CTNNA2: variants seen among roughly 807,000 people sequenced by gnomAD.
CTNNA2 encodes catenin alpha-2.
In CTNNA2, 42 loss-of-function variants were observed where a neutral mutation model predicts 101.0. The ratio of observed to expected loss-of-function variants is 0.42; its 90% CI spans 0.32 to 0.54. CTNNA2 has a LOEUF of 0.54. Among genes scored for constraint, CTNNA2 ranks in the 20% least tolerant of loss-of-function variants. CTNNA2 has a pLI of 0.14. For missense variants in CTNNA2, 871 were observed against 1,223.1 expected (o/e 0.71, Z 4.29); for synonymous variants, 450 against 456.4 (o/e 0.99, Z 0.18).
chr2:80,250,200 AGAGAGT>A (rs1203431684), intron 7 of CTNNA2, among the ~76,000 whole-genome samples: 4 of 142,380 alleles, frequency 2.8e-5, no homozygotes, highest in East Asian at 2.0e-4. Flanking sequence ...AGAGAGAGAG[AGAGAGT>A]GTGTGTGTGT....
At chr2:80,645,842 A>G (rs1352731363) in intron 18 of CTNNA2, among the ~76,000 whole-genome samples, 1 of 152,134 alleles carries the variant, frequency 6.6e-6, no homozygotes, top group Non-Finnish European at 1.5e-5. Context: ...TGATCAAGTA[A>G]GTGGGTTACT....
At chr2:80,627,346 G>A (rs12611703) in intron 18 of CTNNA2, among the ~76,000 whole-genome samples, 77 of 152,010 alleles carry the variant, frequency 5.1e-4, no homozygotes, top group African/African-American at 1.8e-3. Context: ...TTGTAAAAGC[G>A]TTCCTATTTC....
At chr2:79,704,510 C>CATTTTTT in intron 2 of CTNNA2, among the ~76,000 whole-genome samples, 1 of 127,570 alleles carries the variant, frequency 7.8e-6, no homozygotes, top group Non-Finnish European at 1.6e-5. Context: ...ACTTGTGCTT[C>CATTTTTT]TTTTTTTTTT....
In CTNNA2 at chr2:80,070,317, G is replaced by T. The variant is rs186112819; in HGVS notation, c.1056+160520G>T. On this transcript the variant is annotated intron_variant, in intron 7 of 18. Transcript: ENST00000402739. ...TTTCCAAAAATGTTCTATATGAGGG[G>T]ATTGTGAGTGAGAAGTGTATTAGTT... Among the ~76,000 whole-genome samples the T allele has an allele frequency of 3.7e-3, 557 of 152,276 alleles. 3 individuals are homozygous for T. Among genetic ancestry groups the T allele is most frequent in the African/African-American group, 0.013 (534 of 41,532 alleles).
At chr2:79,205,295 G>A (rs1420629810) in intron 2 of CTNNA2, among the ~76,000 whole-genome samples, 1 of 152,216 alleles carries the variant, frequency 6.6e-6, no homozygotes, top group Non-Finnish European at 1.5e-5. Flanking sequence ...CCCAGGACAT[G>A]AGAGAAAAAG....
chr2:79,226,212 G>A (rs965227070), intron 2 of CTNNA2, among the ~76,000 whole-genome samples: 18 of 152,258 alleles, frequency 1.2e-4, no homozygotes, highest in African/African-American at 4.3e-4. Context: ...TTCCTTGAAA[G>A]ATTATATGAT....
At chr2:79,305,871 C>G (rs952409912) in intron 2 of CTNNA2, among the ~76,000 whole-genome samples, 18 of 151,944 alleles carry the variant, frequency 1.2e-4, no homozygotes, top group Non-Finnish European at 2.1e-4. Flanking sequence ...CGGTGAAACC[C>G]CATATCTACT....
intron 9 of CTNNA2, among the ~76,000 whole-genome samples, chr2:80,524,875 C>T (rs1689892474): frequency 6.6e-6 from 1 of 152,142 alleles, no homozygotes; most frequent in Admixed American, 6.5e-5. Context: ...ACTTCATTCG[C>T]TCTTTTATGG....
At chr2:80,041,403 C>T (rs564033500) in intron 7 of CTNNA2, among the ~76,000 whole-genome samples, 40 of 151,968 alleles carry the variant, frequency 2.6e-4, no homozygotes, top group Admixed American at 2.4e-3. Flanking sequence ...ATGCTGTATA[C>T]ACAAGAATCT....
intron 7 of CTNNA2, among the ~76,000 whole-genome samples, chr2:80,133,191 A>C (rs1410105049): frequency 6.6e-6 from 1 of 152,116 alleles, no homozygotes; most frequent in Non-Finnish European, 1.5e-5. Flanking sequence ...GGAGGCAGAG[A>C]CTGGAGTTAT....
At chr2:80,100,601 A>G (rs1052893005) in intron 7 of CTNNA2, among the ~76,000 whole-genome samples, 21 of 152,108 alleles carry the variant, frequency 1.4e-4, no homozygotes, top group African/African-American at 3.6e-4. Context: ...GAGTTCCACT[A>G]TCACTTGGGG....
chr2:80,382,510 G>T (rs907567252), intron 7 of CTNNA2, among the ~76,000 whole-genome samples: 1 of 152,162 alleles, frequency 6.6e-6, no homozygotes, highest in African/African-American at 2.4e-5. Flanking sequence ...GGTGAGAATT[G>T]TTCATAAAGA....
chr2:80,612,978 A>T (rs926265828), intron 17 of CTNNA2: 1 of 151,506 alleles, frequency 6.6e-6, no homozygotes, highest in Non-Finnish European at 1.5e-5. Flanking sequence ...ATGTAGGAAA[A>T]GTTGCAGTGT....
intron 14 of CTNNA2, among the ~76,000 whole-genome samples, chr2:80,586,834 C>T (rs748281875): frequency 3.9e-5 from 6 of 152,174 alleles, no homozygotes; most frequent in Non-Finnish European, 5.9e-5. Flanking sequence ...AAGCCACATA[C>T]ATGTATCCAT....
At chr2:79,405,823 A>C (rs76262210) in intron 4 of CTNNA2, among the ~76,000 whole-genome samples, 3,645 of 152,176 alleles carry the variant, frequency 0.024, 135 homozygotes, top group African/African-American at 0.082. Context: ...ACTGTGTGAT[A>C]ATAAATGAGT....
chr2:79,205,578 T>A (rs955509723), intron 2 of CTNNA2, among the ~76,000 whole-genome samples: 1 of 152,192 alleles, frequency 6.6e-6, no homozygotes, highest in Non-Finnish European at 1.5e-5. Context: ...TCAGCTTGAC[T>A]GCATGTATAA....
rs75455925 is a variant in CTNNA2, at chr2:79,326,474, A to T, written c.-318+13678A>T. On this transcript the variant is annotated intron_variant, in intron 3 of 21. Coordinates refer to the CTNNA2 transcript ENST00000466387. ...TCTTTATACAACCTAGGTTTTTTTT[A>T]AATCTATTTTCTTTCTCCTTTAAAT... is the stretch of plus-strand genomic sequence containing the variant. Among the ~76,000 whole-genome samples the T allele has an allele frequency of 5.6e-4, 85 of 152,244 alleles. 1 individual carries two copies. The East Asian group carries it at 0.016, about 28-fold the overall frequency.
intron 2 of CTNNA2, among the ~76,000 whole-genome samples, chr2:79,233,530 C>T (rs1674521450): frequency 6.6e-6 from 1 of 152,042 alleles, no homozygotes; most frequent in Non-Finnish European, 1.5e-5. Context: ...ATATTCCATA[C>T]TTGTTGGGTG....
At chr2:80,558,772 G>A (rs554762397) in intron 12 of CTNNA2, among the ~76,000 whole-genome samples, 3 of 152,236 alleles carry the variant, frequency 2.0e-5, no homozygotes, top group Non-Finnish European at 2.9e-5. Context: ...AAGATGAGGA[G>A]AAAGAAGACA....
Sources: allele counts gnomAD v4.1 joint callset (sites outside exome capture counted in the v4.1 genomes callset), GRCh38; gene constraint gnomAD v4.1.1; transcripts MANE v1.5; gene names NCBI Gene and HGNC (gene_info 2026-07-23, HGNC 2026-07-21).